Variants in MUCL1 observed in about 807,000 individuals in gnomAD.
MUCL1 encodes mucin like 1.
MUCL1 carries 11 observed loss-of-function variants against 9.2 expected under a neutral mutation model. That is an observed-to-expected ratio of 1.19 (90% CI 0.75 to 1.97). The LOEUF (loss-of-function observed/expected upper bound fraction) is 1.97. MUCL1 is among the 30% of genes most tolerant of loss of function. The pLI, the probability that MUCL1 is intolerant of heterozygous loss-of-function variation, is 0.00. For synonymous variants in MUCL1, 48 were observed against 40.5 expected, an observed-to-expected ratio of 1.19 and a Z score of -0.71; for missense variants, 144 against 110.9, an observed-to-expected ratio of 1.30 and a Z score of -1.34.
At chr12:54,843,269 A>G (rs1443048246) in intron 1 of MUCL1, among the ~76,000 whole-genome samples, 1 of 152,208 alleles carries the variant, frequency 6.6e-6, no homozygotes, top group African/African-American at 2.4e-5. Flanking sequence ...TTTGCTGTTA[A>G]TTAAGACAAT....
chr12:54,835,282 T>C (rs1037190639), upstream of MUCL1, among the ~76,000 whole-genome samples: 1 of 152,156 alleles, frequency 6.6e-6, no homozygotes, highest in Admixed American at 6.6e-5. Context: ...AGTAGTGGGA[T>C]TGCTGGATCA....
intron 3 of MUCL1, 140 bp downstream of exon 3, chr12:54,857,032 G>C (rs1868306169): frequency 7.6e-7 from 1 of 1,312,814 alleles, no homozygotes; most frequent in East Asian, 2.3e-5. Context: ...TAGTTTCTAA[G>C]TCAAGTCAAC....
chr12:54,838,413 T>C (rs747275166), upstream of MUCL1, among the ~76,000 whole-genome samples: 1 of 152,178 alleles, frequency 6.6e-6, no homozygotes, highest in Non-Finnish European at 1.5e-5. Context: ...GTCTTGGTAA[T>C]GTCTTTTTGT....
In MUCL1 at chr12:54,841,144, G is replaced by C. The variant is rs150344782; in HGVS notation, c.43+1697G>C. On this transcript the variant is annotated intron_variant, in intron 1 of 3. Coordinates refer to the MUCL1 transcript ENST00000546809. ...CATAATGTCCTCCAGGTTCATCCAT[G>C]TTGCCATAAAATGGAAGGGCTTCCT... 3.0e-3 allele frequency among the ~76,000 whole-genome samples: 456 copies of C among 152,280 alleles called. 5 individuals are homozygous for C. Among genetic ancestry groups the C allele is most frequent in the African/African-American group, 0.011 (452 of 41,544 alleles).
chr12:54,853,405 G>T (rs1408400855), upstream of MUCL1, among the ~76,000 whole-genome samples: 2 of 152,110 alleles, frequency 1.3e-5, no homozygotes, highest in African/African-American at 4.8e-5. Flanking sequence ...TAGATTGATG[G>T]AACTTGGGGC....
upstream of MUCL1, chr12:54,854,460 A>T (rs770585499): frequency 5.8e-6 from 4 of 694,652 alleles, no homozygotes; most frequent in East Asian, 1.1e-4. Flanking sequence ...TCTGGTTGAC[A>T]GCTCCTGATT....
intron 1 of MUCL1, among the ~76,000 whole-genome samples, chr12:54,842,283 C>T (rs1959216082): frequency 6.7e-6 from 1 of 150,146 alleles, no homozygotes; most frequent in South Asian, 2.1e-4. Flanking sequence ...TTGTTTGCTG[C>T]ATATATATAT....
intron 1 of MUCL1, among the ~76,000 whole-genome samples, chr12:54,844,319 TCTGTTAGA>T (rs1959231061): frequency 6.6e-6 from 1 of 152,184 alleles, no homozygotes; most frequent in Non-Finnish European, 1.5e-5. Flanking sequence ...AATTAAGGTT[TCTGTTAGA>T]TAGATTTTTT....
upstream of MUCL1, among the ~76,000 whole-genome samples, chr12:54,837,626 G>A (rs768318415): frequency 6.6e-5 from 10 of 152,044 alleles, no homozygotes; most frequent in South Asian, 4.2e-4. Context: ...AAAATTAGCC[G>A]GGCGTGGTGG....
intron 1 of MUCL1, among the ~76,000 whole-genome samples, chr12:54,843,337 A>G (rs1959222067): frequency 6.6e-6 from 1 of 152,184 alleles, no homozygotes; most frequent in South Asian, 2.1e-4. Flanking sequence ...ATTGAATTTT[A>G]TCAAATGTTT....
At chr12:54,839,799 C>T (rs186253942) in intron 1 of MUCL1, among the ~76,000 whole-genome samples, 177 of 152,288 alleles carry the variant, frequency 1.2e-3, no homozygotes, top group Middle Eastern at 6.8e-3. Flanking sequence ...TGCACCCATG[C>T]TCATCTCCCA....
chr12:54,842,466 A>C (rs573858742), intron 1 of MUCL1, among the ~76,000 whole-genome samples: 2 of 152,296 alleles, frequency 1.3e-5, no homozygotes, highest in South Asian at 4.1e-4. Flanking sequence ...CAAGTTAATT[A>C]GCATATGCAT....
intron 1 of MUCL1, among the ~76,000 whole-genome samples, chr12:54,831,132 A>C (rs571831786): frequency 6.6e-6 from 1 of 152,202 alleles, no homozygotes; most frequent in Admixed American, 6.5e-5. Flanking sequence ...AAATGAAAGC[A>C]CTAAGATCTC....
chr12:54,832,439 A>G (rs1253056793), intron 1 of MUCL1, among the ~76,000 whole-genome samples: 2 of 152,000 alleles, frequency 1.3e-5, no homozygotes, highest in East Asian at 1.9e-4. Context: ...TGTCTTTATC[A>G]TGTCTTTGAT....
chr12:54,841,651 T>A (rs1393618618), intron 1 of MUCL1, among the ~76,000 whole-genome samples: 1 of 152,222 alleles, frequency 6.6e-6, no homozygotes, highest in Non-Finnish European at 1.5e-5. Flanking sequence ...TTTGGGAAAA[T>A]GTCTATTCAG....
At chr12:54,850,680 T>C (rs925139539), upstream of MUCL1, among the ~76,000 whole-genome samples, 4 of 152,212 alleles carry the variant, frequency 2.6e-5, no homozygotes, top group African/African-American at 7.2e-5. Flanking sequence ...TGCCCAGTAA[T>C]GGGATGGCTG....
At chr12:54,856,259 A>C (rs1012425901) in intron 2 of MUCL1, among the ~76,000 whole-genome samples, 1 of 134,480 alleles carries the variant, frequency 7.4e-6, no homozygotes, top group Non-Finnish European at 1.7e-5. Context: ...GATAGAAGAT[A>C]TCTTACTGCA....
chr12:54,846,158 C>T (rs976618320), intron 1 of MUCL1, among the ~76,000 whole-genome samples: 1 of 152,292 alleles, frequency 6.6e-6, no homozygotes, highest in East Asian at 1.9e-4. Context: ...TCTATGCTTG[C>T]CATAGGCGGA....
intron 1 of MUCL1, among the ~76,000 whole-genome samples, chr12:54,844,158 C>A (rs1410139392): frequency 6.6e-6 from 1 of 152,090 alleles, no homozygotes. Context: ...ATTTTTTCAA[C>A]ATTTGGGAAG....
Sources: allele counts gnomAD v4.1 joint callset (sites outside exome capture counted in the v4.1 genomes callset), GRCh38; gene constraint gnomAD v4.1.1; transcripts MANE v1.5; gene names NCBI Gene and HGNC (gene_info 2026-07-23, HGNC 2026-07-21).